TBCD: variants seen among roughly 807,000 people sequenced by gnomAD.
TBCD encodes tubulin folding cofactor D.
In TBCD, 105 loss-of-function variants were observed where a neutral mutation model predicts 169.3. The observed-to-expected ratio is 0.62, with a 90% CI of 0.53 to 0.73. The LOEUF (loss-of-function observed/expected upper bound fraction) is 0.73, where lower values mean the gene tolerates loss of function less well. Among genes scored for constraint, TBCD ranks in the 30% least tolerant of loss-of-function variants. The probability of loss-of-function intolerance (pLI) is 0.00; values close to 1 mark genes in which losing one functional copy is unlikely to be tolerated. For synonymous variants in TBCD, 700 were observed against 643.9 expected (o/e 1.09, Z -1.32); for missense variants, 1,444 against 1,600.1 (o/e 0.90, Z 1.66).
rs1466719748 is a variant in TBCD, at chr17:82,850,048, C to T, written c.1319-20176C>T. The stretch of plus-strand genomic sequence containing the variant: ...GTTGGCTGTGCTGTTGTTGGCTGTG[C>T]TGTTGTTGGCTGTGCTGCTGTTGGC... On this transcript the variant is annotated intron_variant, in intron 13 of 38. Coordinates refer to ENST00000355528, the MANE Select transcript of TBCD (RefSeq NM_005993.5). Among the ~76,000 whole-genome samples the T allele has an allele frequency of 3.1e-3, 219 of 71,068 alleles. 10 individuals are homozygous for T. Among genetic ancestry groups the T allele is most frequent in the African/African-American group, 0.011 (198 of 17,766 alleles). 46.6% of individuals were successfully genotyped at this position (71,068 alleles called of 152,430 possible). A position where few individuals can be genotyped will look rare whatever the true frequency, so the allele number is the denominator to read the frequency against.
chr17:82,752,183 A>C lies in TBCD; in HGVS notation c.-11A>C. ...CACGTGAGGCGGGGGCGCGGTCCCC[A>C]GGCTGCCGAGATGGCCCTGAGCGAC... On this transcript the variant is annotated 5_prime_UTR_variant, in exon 1 of 39. Transcript: ENST00000355528. 1 of 1,510,252 alleles carries C rather than the reference A, an allele frequency of 6.6e-7. No homozygotes were observed. Among genetic ancestry groups the C allele is most frequent in the Non-Finnish European group, 8.8e-7 (1 of 1,131,972 alleles). 93.6% of individuals were successfully genotyped at this position (1,510,252 alleles called of 1,614,324 possible). A position where few individuals can be genotyped will look rare whatever the true frequency, so the allele number is the denominator to read the frequency against.
At chr17:82,769,586 T>G (rs1363493600) in intron 5 of TBCD, among the ~76,000 whole-genome samples, 1 of 152,136 alleles carries the variant, frequency 6.6e-6, no homozygotes, top group Non-Finnish European at 1.5e-5. Flanking sequence ...TAATTTAACC[T>G]ATACATTGGG....
At chr17:82,851,755 A>T (rs2055809380) in intron 13 of TBCD, among the ~76,000 whole-genome samples, 1 of 152,262 alleles carries the variant, frequency 6.6e-6, no homozygotes, top group South Asian at 2.1e-4. Context: ...GGCAGAAAGC[A>T]GGAGCCTTAC....
intron 37 of TBCD, 48 bp downstream of exon 37, chr17:82,939,524 CT>C: frequency 6.9e-7 from 1 of 1,442,334 alleles, no homozygotes; most frequent in Non-Finnish European, 9.6e-7. Flanking sequence ...GGCACCGCCC[CT>C]CTTCCTGTCC....
At position 82,752,325 on chromosome 17, in the gene TBCD, G is replaced by T; in HGVS notation, c.132G>T (p.Arg44=). Residue 44 remains arginine (R), a synonymous_variant, in exon 1 of 39, where the codon CGG becomes CGT. Transcript: ENST00000355528. ...AETRALLGRL[R]EVHGGGAERE... is the part of the protein sequence containing the mutation. ...CCCGGGCGCTGCTGGGCCGCCTGCG[G>T]GAGGTGCACGGCGGCGGCGCGGAGC... 1 of 1,466,978 alleles carries T rather than the reference G, an allele frequency of 6.8e-7. No homozygotes were observed. The highest frequency in any genetic ancestry group is 1.3e-5 in the South Asian group (1 of 75,344). 90.9% of individuals were successfully genotyped at this position (1,466,978 alleles called of 1,614,324 possible). A position where few individuals can be genotyped will look rare whatever the true frequency, so the allele number is the denominator to read the frequency against.
chr17:82,943,624 C>CACAAG lies in TBCD; in HGVS notation c.*1164_*1168dup, dbSNP rs1372417956. On this transcript the variant is annotated 3_prime_UTR_variant, in exon 39 of 39. Transcript: ENST00000355528. ...GTGAGGCTTGTGAGGTCACCAGGAC[C>CACAAG]ACAAGACCAGGACTGTGACAGTCCG... 1 of 152,208 alleles carries CACAAG rather than the reference C, an allele frequency of 6.6e-6. No individual in the cohort carries two copies. Among genetic ancestry groups the CACAAG allele is most frequent in the East Asian group, 1.9e-4 (1 of 5,190 alleles). The allele number at this position is 152,208 out of a possible 1,614,324, so 9.4% of individuals were successfully genotyped here. A position where few individuals can be genotyped will look rare whatever the true frequency, so the allele number is the denominator to read the frequency against.
At chr17:82,764,266 C>T (rs2076787222) in intron 3 of TBCD, among the ~76,000 whole-genome samples, 1 of 152,178 alleles carries the variant, frequency 6.6e-6, no homozygotes, top group Non-Finnish European at 1.5e-5. Context: ...GGATATTCAG[C>T]ATCTTGCATT....
intron 13 of TBCD, among the ~76,000 whole-genome samples, chr17:82,836,264 G>A (rs1011197776): frequency 6.6e-6 from 1 of 152,226 alleles, no homozygotes; most frequent in Non-Finnish European, 1.5e-5. Context: ...GGCCTGTGCC[G>A]GCATGCCTCG....
chr17:82,863,956 G>A (rs2056976619), intron 13 of TBCD, among the ~76,000 whole-genome samples: 1 of 152,228 alleles, frequency 6.6e-6, no homozygotes, highest in African/African-American at 2.4e-5. Flanking sequence ...CCGACGTGCA[G>A]TCAGTGACAG....
intron 2 of TBCD, among the ~76,000 whole-genome samples, chr17:82,758,122 C>CTT (rs1021209356): frequency 1.6e-4 from 24 of 151,942 alleles, no homozygotes; most frequent in Admixed American, 6.6e-5. Context: ...GGTGTGGTGG[C>CTT]TTATGCCTGT....
intron 13 of TBCD, among the ~76,000 whole-genome samples, chr17:82,827,673 CACA>C (rs1309055150): frequency 1.3e-5 from 2 of 152,176 alleles, no homozygotes; most frequent in African/African-American, 4.8e-5. Context: ...ATCGAATGTG[CACA>C]ACTACCCCCA....
chr17:82,752,487 G>C lies in TBCD; in HGVS notation c.184+110G>C, dbSNP rs1351211210. ...CCCGGCGGCGCCGGCCGCTCTGCGA[G>C]GGCTGCCGGTGCGCGGTCCCGCGGG... On this transcript the variant is annotated intron_variant, in intron 1 of 38. Coordinates refer to ENST00000355528, the MANE Select transcript of TBCD (RefSeq NM_005993.5). 12 of 908,550 alleles carry C rather than the reference G, an allele frequency of 1.3e-5. No individual in the cohort carries two copies. The Admixed American group carries it at 6.2e-4, about 47-fold the overall frequency. The allele number at this position is 908,550 out of a possible 1,614,324, so 56.3% of individuals were successfully genotyped here.
At chr17:82,846,381 TGTCCTCTCGTCCAGC>T (rs2055120296) in intron 13 of TBCD, among the ~76,000 whole-genome samples, 1 of 148,390 alleles carries the variant, frequency 6.7e-6, no homozygotes, top group African/African-American at 2.4e-5. Flanking sequence ...CCATGTGCCG[TGTCCTCTCGTCCAGC>T]CCTCTGCTGC....
At chr17:82,856,687 CCT>C (rs2056308276) in intron 13 of TBCD, among the ~76,000 whole-genome samples, 1 of 152,004 alleles carries the variant, frequency 6.6e-6, no homozygotes, top group Non-Finnish European at 1.5e-5. Flanking sequence ...TGTTTGAATC[CCT>C]GTCTTCCCCT....
At chr17:82,776,741 A>G (rs2048623893) in intron 6 of TBCD, among the ~76,000 whole-genome samples, 1 of 151,950 alleles carries the variant, frequency 6.6e-6, no homozygotes, top group Admixed American at 6.6e-5. Context: ...TTAGAGATGG[A>G]CTTCTGGGTT....
At chr17:82,924,843 C>T (rs1435784240) in intron 26 of TBCD, 96 bp from the exon 27 acceptor site, 4 of 988,164 alleles carry the variant, frequency 4.0e-6, no homozygotes, top group Non-Finnish European at 3.0e-6. Flanking sequence ...CTCCTTTGTT[C>T]ACTGTGGCTT....
Position 82,920,558 on chromosome 17 carries a change from T to C in TBCD, c.2041T>C (p.Cys681Arg). ...LGGQLMRQAVCVLIEKLSLSK... is the reference protein window; with the variant it reads ...LGGQLMRQAVRVLIEKLSLSK... ...ATCCTTTTTTTTTTTTTTTCCAGTG[T>C]GTGTTTTAATAGAAAAGTTGTCACT... The change falls in exon 24 of 39, where the codon TGT becomes CGT. Residue 681 changes from cysteine to arginine, a missense_variant and splice_region_variant. Transcript: ENST00000355528. This position sits in a 1 kb window ranked among gnomAD's most constrained non-coding sequence, Gnocchi z 4.1. 6.6e-7 allele frequency: 1 copy of C among 1,525,788 alleles called. No homozygotes were observed. Among genetic ancestry groups the C allele is most frequent in the Non-Finnish European group, 8.8e-7 (1 of 1,134,242 alleles). The allele number at this position is 1,525,788 out of a possible 1,614,324, so 94.5% of individuals were successfully genotyped here. A position where few individuals can be genotyped will look rare whatever the true frequency, so the allele number is the denominator to read the frequency against.
At chr17:82,867,500 A>G (rs58333889) in intron 13 of TBCD, among the ~76,000 whole-genome samples, 1,568 of 152,320 alleles carry the variant, frequency 0.01, 20 homozygotes, top group African/African-American at 0.035. Flanking sequence ...AAGGTGCCAC[A>G]GCCTGTTAGT....
At position 82,929,005 on chromosome 17, in the gene TBCD, C is replaced by G. The variant is rs796898231; in HGVS notation, c.2694-108C>G. ...CCATGTCCCGAGGAGCCCGCATGTC[C>G]TCGTGGTGCTTGGGCTGGAGTCACG... On this transcript the variant is annotated intron_variant, in intron 30 of 38. Coordinates refer to ENST00000355528, the MANE Select transcript of TBCD (RefSeq NM_005993.5). 233 of 1,418,632 alleles carry G rather than the reference C, an allele frequency of 1.6e-4. No individual in the cohort carries two copies. In the African/African-American group the frequency reaches 2.8e-3, roughly 17 times the overall value. The allele number at this position is 1,418,632 out of a possible 1,614,324, so 87.9% of individuals were successfully genotyped here. A position where few individuals can be genotyped will look rare whatever the true frequency, so the allele number is the denominator to read the frequency against.
Sources: gnomAD v4.1 joint callset for allele counts (sites outside exome capture counted in the v4.1 genomes callset) on GRCh38, gnomAD v4.1.1 for gene constraint, Gnocchi (gnomAD v3.1) non-coding constraint, MANE v1.5 for transcripts, NCBI Gene and HGNC (gene_info 2026-07-23, HGNC 2026-07-21) for gene names.